LIN9: variants seen among roughly 807,000 people sequenced by gnomAD.
LIN9 encodes lin-9 DREAM MuvB core complex component, also known as protein lin-9 homolog.
LIN9 carries 18 observed loss-of-function variants against 78.0 expected under a neutral mutation model. The observed-to-expected ratio is 0.23, with a 90% CI of 0.16 to 0.34. The LOEUF (loss-of-function observed/expected upper bound fraction) is 0.34, where lower values mean the gene tolerates loss of function less well. Ranked by LOEUF, LIN9 falls within the 10% of genes least tolerant of loss-of-function variation. LIN9 has a pLI of 1.00. For missense variants in LIN9, 451 were observed against 644.1 expected (o/e 0.70, Z 3.25); for synonymous variants, 192 against 215.2 (o/e 0.89, Z 0.94).
intron 10 of LIN9, among the ~76,000 whole-genome samples, chr1:226,255,486 G>A (rs756238789): frequency 6.6e-6 from 1 of 152,082 alleles, no homozygotes; most frequent in Non-Finnish European, 1.5e-5. Flanking sequence ...GGCTGACACA[G>A]TTCCTTTTAC....
chr1:226,307,052 G>A (rs1429798327), intron 1 of LIN9, among the ~76,000 whole-genome samples: 1 of 152,160 alleles, frequency 6.6e-6, no homozygotes, highest in African/African-American at 2.4e-5. Flanking sequence ...GCTGGAATTT[G>A]AACCCTAATA....
At chr1:226,303,527 C>T (rs1662697461) in intron 1 of LIN9, among the ~76,000 whole-genome samples, 1 of 152,242 alleles carries the variant, frequency 6.6e-6, no homozygotes, top group South Asian at 2.1e-4. Flanking sequence ...ATATCCACTC[C>T]TGCTCCACGA....
At chr1:226,255,386 A>C (rs1310481472) in intron 10 of LIN9, among the ~76,000 whole-genome samples, 1 of 152,056 alleles carries the variant, frequency 6.6e-6, no homozygotes, top group Non-Finnish European at 1.5e-5. Context: ...GAAGAGAAAA[A>C]CCCAACCCCA....
chr1:226,270,243 T>G (rs1466056352), intron 7 of LIN9, among the ~76,000 whole-genome samples: 1 of 152,110 alleles, frequency 6.6e-6, no homozygotes, highest in African/African-American at 2.4e-5. Context: ...CTAAATTATA[T>G]GCAGACACAG....
rs746223139 is a variant in LIN9, at chr1:226,286,315, C to G, written c.524+18G>C. On this transcript the variant is annotated intron_variant, in intron 6 of 14. Coordinates refer to ENST00000681046, the MANE Select transcript of LIN9 (RefSeq NM_001366245.2). Reference sequence around the variant, plus strand: ...GGCTTGATTTTATTTTAAACAAAAACAAAAACATTATTTTTACCTCCGTGG... The same window carrying G: ...GGCTTGATTTTATTTTAAACAAAAAGAAAAACATTATTTTTACCTCCGTGG... 1 of 1,599,200 alleles carries G rather than the reference C, an allele frequency of 6.3e-7. No individual in the cohort carries two copies. The highest frequency in any genetic ancestry group is 2.2e-5 in the East Asian group (1 of 44,766).
chr1:226,265,714 G>C lies in LIN9; in HGVS notation c.937-80C>G. The C allele has an allele frequency of 1.3e-6, 1 of 762,296 alleles. No individual in the cohort carries two copies. Among genetic ancestry groups the C allele is most frequent in the African/African-American group, 1.8e-5 (1 of 55,458 alleles). 47.2% of individuals were successfully genotyped at this position (762,296 alleles called of 1,614,324 possible). On this transcript the variant is annotated intron_variant, in intron 9 of 14. Coordinates refer to ENST00000681046, the MANE Select transcript of LIN9 (RefSeq NM_001366245.2). This position sits in a 1 kb window ranked among gnomAD's most constrained non-coding sequence, Gnocchi z 4.1. The stretch of plus-strand genomic sequence containing the variant: ...ATTTTTTTATTTTTATTTTTTTTTA[G>C]ACGGAGTCTCGCTCTGTTGCCACTT...
At chr1:226,239,148 C>A (rs769263039) in intron 11 of LIN9, 52 bp from the exon 12 acceptor site, 17 of 1,576,130 alleles carry the variant, frequency 1.1e-5, no homozygotes, top group Non-Finnish European at 1.4e-5. Flanking sequence ...TTTAGCAATG[C>A]AATTTCAATG....
At position 226,239,084 on chromosome 1, in the gene LIN9, T is replaced by G; in HGVS notation, c.1132A>C (p.Met378Leu). The G allele has an allele frequency of 6.2e-7, 1 of 1,612,524 alleles. No homozygotes were observed. The highest frequency in any genetic ancestry group is 8.5e-7 in the Non-Finnish European group (1 of 1,179,630). Residue 378 changes from methionine (M) to leucine (L), a missense_variant, in exon 12 of 15, where the codon ATG (methionine) becomes CTG (leucine). Physicochemically the swap from Met to Leu is conservative, Grantham distance 15 (BLOSUM62 2). Transcript: ENST00000681046. The part of the protein sequence containing the change: ...TEAEKLKSYS[M>L]PISIEFQRRY... ...CGCTGAAATTCAATGCTGATGGGCATGGAATATGATTTCTGAGAAGAGAAA... is the reference window on the plus strand; with the variant it reads ...CGCTGAAATTCAATGCTGATGGGCAGGGAATATGATTTCTGAGAAGAGAAA...
intron 10 of LIN9, among the ~76,000 whole-genome samples, chr1:226,264,461 C>A (rs1659790997): frequency 6.6e-6 from 1 of 152,078 alleles, no homozygotes; most frequent in Non-Finnish European, 1.5e-5. Context: ...TACAGACACA[C>A]AACTGACAAG....
In LIN9 at chr1:226,276,046, T is replaced by TA. The variant is rs1430033979; in HGVS notation, c.682+1728dup. ...TTGTCTCAAAAAACAAAAACAAAAATAAAAAACACAACACACAAAACAGCT... is the reference window on the plus strand; with the variant it reads ...TTGTCTCAAAAAACAAAAACAAAAATAAAAAAACACAACACACAAAACAGCT... On this transcript the variant is annotated intron_variant, in intron 7 of 14. Coordinates refer to ENST00000681046, the MANE Select transcript of LIN9 (RefSeq NM_001366245.2). Among the ~76,000 whole-genome samples the TA allele has an allele frequency of 3.3e-5, 5 of 152,064 alleles. No homozygotes were observed. In the South Asian group the frequency reaches 1.0e-3, roughly 32 times the overall value.
intron 10 of LIN9, among the ~76,000 whole-genome samples, chr1:226,256,962 C>CT (rs895369836): frequency 6.6e-6 from 1 of 150,864 alleles, no homozygotes; most frequent in Non-Finnish European, 1.5e-5. Flanking sequence ...TGATTTTTTT[C>CT]TTTTTTTCTG....
intron 4 of LIN9, among the ~76,000 whole-genome samples, chr1:226,295,482 A>C (rs755579576): frequency 6.6e-6 from 1 of 150,862 alleles, no homozygotes; most frequent in African/African-American, 2.4e-5. Flanking sequence ...ATATATATAT[A>C]TATTTTTTTC....
intron 9 of LIN9, 102 bp downstream of exon 9, chr1:226,266,111 G>T: frequency 3.3e-6 from 2 of 607,290 alleles, no homozygotes; most frequent in Non-Finnish European, 5.1e-6. Context: ...TCAAAATAGT[G>T]TGCATACTTT....
intron 4 of LIN9, among the ~76,000 whole-genome samples, chr1:226,292,779 A>C (rs1482919004): frequency 2.0e-5 from 3 of 152,188 alleles, no homozygotes; most frequent in African/African-American, 7.2e-5. Context: ...GTATATGTAA[A>C]GTCTATCTCA....
At chr1:226,293,678 CAAGT>C (rs2102649117) in intron 4 of LIN9, among the ~76,000 whole-genome samples, 1 of 152,328 alleles carries the variant, frequency 6.6e-6, no homozygotes, top group Non-Finnish European at 1.5e-5. Flanking sequence ...CTCCCAGGTT[CAAGT>C]AAGTAGCTGG....
At chr1:226,306,407 G>A (rs962146330) in intron 1 of LIN9, among the ~76,000 whole-genome samples, 30 of 152,120 alleles carry the variant, frequency 2.0e-4, no homozygotes, top group African/African-American at 6.8e-4. Flanking sequence ...ATGCACAGTG[G>A]AACCATTCGA....
Position 226,301,158 on chromosome 1 carries a change from T to C in LIN9, c.64+15A>G, listed in dbSNP as rs776184258. 6.3e-7 allele frequency: 1 copy of C among 1,590,222 alleles called. No homozygotes were observed. The highest frequency in any genetic ancestry group is 1.7e-5 in the Admixed American group (1 of 58,288). ...CTTTTAGCTATGGTATACCTAAAAATGCTATACTTCTTACCTTTTAAACTG... is the reference window on the plus strand; with the variant it reads ...CTTTTAGCTATGGTATACCTAAAAACGCTATACTTCTTACCTTTTAAACTG... On this transcript the variant is annotated intron_variant, in intron 2 of 14. Transcript: ENST00000681046.
At chr1:226,282,301 T>C (rs1661117800) in intron 6 of LIN9, among the ~76,000 whole-genome samples, 1 of 152,242 alleles carries the variant, frequency 6.6e-6, no homozygotes, top group Non-Finnish European at 1.5e-5. Context: ...TAAATACCTT[T>C]GTACATGTAA....
intron 12 of LIN9, 109 bp from the exon 13 acceptor site, chr1:226,233,632 A>G (rs1400399112): frequency 4.2e-6 from 3 of 715,044 alleles, no homozygotes; most frequent in African/African-American, 1.8e-5. Context: ...ACTAGCATTT[A>G]AAACTAAAGT....
Sources: allele counts gnomAD v4.1 joint callset (sites outside exome capture counted in the v4.1 genomes callset), GRCh38; gene constraint gnomAD v4.1.1; non-coding constraint Gnocchi (gnomAD v3.1); transcripts MANE v1.5; gene names NCBI Gene and HGNC (gene_info 2026-07-23, HGNC 2026-07-21).